DBF4: variants seen among roughly 807,000 people sequenced by gnomAD.
DBF4 encodes DBF4-CDC7 kinase regulatory subunit, also known as protein DBF4 homolog A.
Under a neutral mutation model 76.6 loss-of-function variants are expected in DBF4, and 25 were observed. The observed-to-expected ratio is 0.33, with a 90% CI of 0.24 to 0.46. The LOEUF (loss-of-function observed/expected upper bound fraction) is 0.46, where lower values mean the gene tolerates loss of function less well. Ranked by LOEUF, DBF4 falls within the 20% of genes least tolerant of loss-of-function variation. DBF4 has a pLI of 1.00. For synonymous variants in DBF4, 213 were observed against 258.0 expected (o/e 0.83, Z 1.67); for missense variants, 638 against 760.8 (o/e 0.84, Z 1.90).
chr7:87,886,049 G>A (rs1193653546), intron 3 of DBF4, among the ~76,000 whole-genome samples: 2 of 152,136 alleles, frequency 1.3e-5, no homozygotes, highest in East Asian at 3.8e-4. Flanking sequence ...CAGAAGAAAT[G>A]AGTCAGAAAG....
At position 87,897,364 on chromosome 7, in the gene DBF4, T is replaced by A. The variant is rs180923213; in HGVS notation, c.680+25T>A. ...AGTAAGTATTTAAGTCCAATCTGTA[T>A]GATTTAAGTGCAATACTAAAGAGGA... On this transcript the variant is annotated intron_variant, in intron 8 of 11. Transcript: ENST00000265728. 1.1e-5 allele frequency: 18 copies of A among 1,606,860 alleles called. No homozygotes were observed. In the Admixed American group the frequency reaches 2.4e-4, roughly 21 times the overall value.
At chr7:87,888,232 A>G (rs1055715469) in intron 6 of DBF4, 173 bp downstream of exon 6, 10 of 954,472 alleles carry the variant, frequency 1.0e-5, no homozygotes, top group Admixed American at 6.2e-5. Context: ...TGTACTCACC[A>G]GGTAAAAGTT....
In DBF4 at chr7:87,904,410, A is replaced by G; in HGVS notation, c.1043A>G (p.Lys348Arg). The change falls in exon 11 of 12, where the codon AAG (lysine) becomes AGG (arginine). Residue 348 changes from lysine (K) to arginine (R), a missense_variant. Transcript: ENST00000265728. Reference sequence around the variant, plus strand: ...GAATATGAAAAGGACACACCTAAAAAGAAAAGGTAATTAGTTTTATCAACC... The same window carrying G: ...GAATATGAAAAGGACACACCTAAAAGGAAAAGGTAATTAGTTTTATCAACC... ...FVEYEKDTPK[K>R]KRIKYSVGSL... The G allele has an allele frequency of 6.2e-7, 1 of 1,611,490 alleles. No individual in the cohort carries two copies. The highest frequency in any genetic ancestry group is 8.5e-7 in the Non-Finnish European group (1 of 1,179,004).
chr7:87,896,939 C>T (rs956310911), intron 7 of DBF4, among the ~76,000 whole-genome samples: 1 of 152,146 alleles, frequency 6.6e-6, no homozygotes, highest in Non-Finnish European at 1.5e-5. Flanking sequence ...GCATCAAAGT[C>T]GCAGGTACTG....
At position 87,884,962 on chromosome 7, in the gene DBF4, A is replaced by G; in HGVS notation, c.220-17A>G. 6.3e-7 allele frequency: 1 copy of G among 1,577,584 alleles called. No homozygotes were observed. Among genetic ancestry groups the G allele is most frequent in the Non-Finnish European group, 8.7e-7 (1 of 1,152,992 alleles). On this transcript the variant is annotated splice_polypyrimidine_tract_variant and intron_variant, in intron 2 of 11. Coordinates refer to ENST00000265728, the MANE Select transcript of DBF4 (RefSeq NM_006716.4). ...TTAAAACAAATTTATAAATAAAAAT[A>G]CTTTGTTCTCTTCTAGCGAGTTGAA...
intron 2 of DBF4, among the ~76,000 whole-genome samples, chr7:87,881,140 C>T (rs976231310): frequency 6.6e-6 from 1 of 152,202 alleles, no homozygotes; most frequent in African/African-American, 2.4e-5. Context: ...GGCTCGGAGG[C>T]TCACGCATGT....
chr7:87,897,407 A>C, intron 8 of DBF4, 68 bp downstream of exon 8: 1 of 1,435,480 alleles, frequency 7.0e-7, no homozygotes, highest in African/African-American at 1.4e-5. Context: ...CTAACTAATT[A>C]GGCTAGCTCG....
chr7:87,896,350 AT>A, intron 6 of DBF4, 123 bp from the exon 7 acceptor site: 1 of 720,384 alleles, frequency 1.4e-6, no homozygotes, highest in Non-Finnish European at 2.3e-6. Flanking sequence ...TTAACAAAGA[AT>A]AATCCTTCTT....
At chr7:87,883,191 A>G (rs1839258807) in intron 2 of DBF4, among the ~76,000 whole-genome samples, 2 of 152,206 alleles carry the variant, frequency 1.3e-5, no homozygotes, top group Admixed American at 6.5e-5. Context: ...GAACAAATGT[A>G]GGATTCCATT....
At chr7:87,876,866 G>T (rs968107516) in intron 1 of DBF4, 88 bp downstream of exon 1, 14 of 1,437,048 alleles carry the variant, frequency 9.7e-6, no homozygotes, top group Non-Finnish European at 1.4e-5. Flanking sequence ...TCTCCCGCCG[G>T]GTCCTCAGCT....
intron 7 of DBF4, 106 bp from the exon 8 acceptor site, chr7:87,897,188 A>T: frequency 9.8e-7 from 1 of 1,019,186 alleles, no homozygotes; most frequent in Non-Finnish European, 1.5e-6. Context: ...TAAAGTGGAT[A>T]CATAGTTTTT....
chr7:87,887,066 C>T (rs1004269464), intron 4 of DBF4, among the ~76,000 whole-genome samples, 172 bp downstream of exon 4: 1 of 152,122 alleles, frequency 6.6e-6, no homozygotes, highest in Non-Finnish European at 1.5e-5. Flanking sequence ...GAAACATCCC[C>T]ATCTTGTGGC....
chr7:87,903,801 T>G (rs928646310), intron 10 of DBF4, among the ~76,000 whole-genome samples: 3 of 151,668 alleles, frequency 2.0e-5, no homozygotes, highest in African/African-American at 7.3e-5. Flanking sequence ...TTCAAGTGAT[T>G]CTTCTGCCTC....
At chr7:87,901,245 A>T (rs572634337) in intron 10 of DBF4, among the ~76,000 whole-genome samples, 2 of 152,220 alleles carry the variant, frequency 1.3e-5, no homozygotes, top group Non-Finnish European at 2.9e-5. Context: ...GGATGTTGCT[A>T]TTTAGCCTAG....
intron 1 of DBF4, 111 bp from the exon 2 acceptor site, chr7:87,877,942 T>G (rs2131036122): frequency 1.1e-6 from 1 of 920,570 alleles, no homozygotes; most frequent in East Asian, 2.8e-5. Context: ...TGCTAATAAC[T>G]TAAACTGGTA....
chr7:87,900,375 A>G, intron 9 of DBF4, 26 bp downstream of exon 9: 1 of 1,568,860 alleles, frequency 6.4e-7, no homozygotes, highest in Non-Finnish European at 8.6e-7. Flanking sequence ...TACTTTTAGA[A>G]GGAATATTCA....
At chr7:87,893,252 T>TTC (rs1242449694) in intron 6 of DBF4, among the ~76,000 whole-genome samples, 1 of 149,518 alleles carries the variant, frequency 6.7e-6, no homozygotes, top group African/African-American at 2.5e-5. Context: ...TTTTTTTTTT[T>TTC]TTTTGAGACG....
At chr7:87,885,894 G>A (rs532441030) in intron 3 of DBF4, among the ~76,000 whole-genome samples, 2 of 152,266 alleles carry the variant, frequency 1.3e-5, no homozygotes, top group Admixed American at 1.3e-4. Context: ...TGATTTAATT[G>A]GGTGTGAGGT....
chr7:87,876,788 C>T lies in DBF4; in HGVS notation c.46+10C>T, dbSNP rs746794043. On this transcript the variant is annotated intron_variant, in intron 1 of 11. Coordinates refer to ENST00000265728, the MANE Select transcript of DBF4 (RefSeq NM_006716.4). The stretch of plus-strand genomic sequence containing the variant: ...AAAGGACATTTCCAGGGTAAGAAGC[C>T]CCTCCTCCGCCTGCAGTCCCTTTAA... 1.4e-5 allele frequency: 22 copies of T among 1,613,848 alleles called. No individual in the cohort carries two copies. In the Admixed American group the frequency reaches 1.7e-4, roughly 12 times the overall value.
Sources: allele counts gnomAD v4.1 joint callset (sites outside exome capture counted in the v4.1 genomes callset), GRCh38; gene constraint gnomAD v4.1.1; transcripts MANE v1.5; gene names NCBI Gene and HGNC (gene_info 2026-07-23, HGNC 2026-07-21).